RGS20: variants seen among roughly 807,000 people sequenced by gnomAD.
The protein encoded by RGS20 is gz-selective GTPase-activating protein.
RGS20 carries 30 observed loss-of-function variants against 33.6 expected under a neutral mutation model. The observed-to-expected ratio is 0.89, with a 90% CI of 0.67 to 1.21. The LOEUF is 1.21. RGS20 is among the 50% of genes most tolerant of loss of function. RGS20 has a pLI of 0.00. For synonymous variants in RGS20, 208 were observed against 197.9 expected, an observed-to-expected ratio of 1.05 and a Z score of -0.43; for missense variants, 472 against 502.4, an observed-to-expected ratio of 0.94 and a Z score of 0.58.
intron 4 of RGS20, among the ~76,000 whole-genome samples, chr8:53,952,683 GC>G (rs1268681327): frequency 1.3e-5 from 2 of 150,430 alleles, no homozygotes; most frequent in South Asian, 4.2e-4. Context: ...CCGAGATCGT[GC>G]CATTGTACTC....
intron 1 of RGS20, among the ~76,000 whole-genome samples, chr8:53,857,980 T>C (rs1305271447): frequency 6.6e-6 from 1 of 152,090 alleles, no homozygotes; most frequent in Non-Finnish European, 1.5e-5. Context: ...AAACATCACA[T>C]TGTACCCCAT....
At chr8:53,936,290 G>GA (rs1814132368) in intron 2 of RGS20, among the ~76,000 whole-genome samples, 1 of 152,134 alleles carries the variant, frequency 6.6e-6, no homozygotes, top group Admixed American at 6.5e-5. Flanking sequence ...ATCCAAATAG[G>GA]AAGAGAGAGA....
intron 2 of RGS20, among the ~76,000 whole-genome samples, chr8:53,935,342 A>C (rs1814099356): frequency 6.6e-6 from 1 of 152,184 alleles, no homozygotes; most frequent in South Asian, 2.1e-4. Context: ...GATCAACAAA[A>C]TAGCTAGACC....
rs34316630 is a variant in RGS20 at position 53,889,412 on chromosome 8, C to CTTTTTTTTTTTTTTTTTTTTTTT, written c.510+9827_510+9849dup. On this transcript the variant is annotated intron_variant, in intron 2 of 5. Coordinates refer to ENST00000297313, the MANE Select transcript of RGS20 (RefSeq NM_170587.4). ...TCTTTCTTTCTTTCTCTCTCTCTCTCTTTTTTTTTTTTTTTTTTTTTTTTT... is the reference window on the plus strand; with the variant it reads ...TCTTTCTTTCTTTCTCTCTCTCTCTCTTTTTTTTTTTTTTTTTTTTTTTTTTTTTTTTTTTTTTTTTTTTTTTT... Among the ~76,000 whole-genome samples the CTTTTTTTTTTTTTTTTTTTTTTT allele has an allele frequency of 1.2e-4, 5 of 41,862 alleles. 2 individuals carry two copies. The highest frequency in any genetic ancestry group is 3.1e-4 in the Non-Finnish European group (5 of 16,088). 27.5% of individuals were successfully genotyped at this position (41,862 alleles called of 152,430 possible). A position where few individuals can be genotyped will look rare whatever the true frequency, so the allele number is the denominator to read the frequency against.
chr8:53,853,024 T>C (rs1014136012), intron 1 of RGS20, among the ~76,000 whole-genome samples: 3 of 152,110 alleles, frequency 2.0e-5, no homozygotes, highest in Non-Finnish European at 4.4e-5. Context: ...TGTGAACAAA[T>C]AACACATGAA....
rs374776670 is a variant in RGS20, at chr8:53,890,854, C to CAGTTTTAATA, written c.510+11255_510+11264dup. ...GCTATGTTACCCAGACTGGTGGCTG[C>CAGTTTTAATA]AGTTTTAATAAGATTTAGCTAATGC... is the stretch of plus-strand genomic sequence containing the variant. On this transcript the variant is annotated intron_variant, in intron 2 of 5. Transcript: ENST00000297313. 1.0e-3 allele frequency among the ~76,000 whole-genome samples: 153 copies of CAGTTTTAATA among 152,280 alleles called. 1 individual carries two copies. Among genetic ancestry groups the CAGTTTTAATA allele is most frequent in the African/African-American group, 3.5e-3 (144 of 41,550 alleles).
chr8:53,913,957 A>G (rs1472806859), intron 2 of RGS20: 1 of 151,498 alleles, frequency 6.6e-6, no homozygotes, highest in African/African-American at 2.4e-5. Flanking sequence ...TGGCACCATG[A>G]CTTCTGGCCT....
In RGS20 at chr8:53,925,531, A is replaced by C. The variant is rs537555158; in HGVS notation, c.511-14045A>C. ...GGTGGCTCATGCCTGTAATCCCAGC[A>C]TTTTGGGAGGCCAAGGTGGGCGGAT... On this transcript the variant is annotated intron_variant, in intron 2 of 5. Transcript: ENST00000297313. 3.9e-5 allele frequency among the ~76,000 whole-genome samples: 6 copies of C among 152,204 alleles called. No individual in the cohort carries two copies. The South Asian group carries it at 1.2e-3, about 32-fold the overall frequency.
intron 2 of RGS20, among the ~76,000 whole-genome samples, chr8:53,906,380 A>G (rs1225862752): frequency 2.0e-5 from 3 of 152,114 alleles, no homozygotes; most frequent in South Asian, 4.1e-4. Context: ...CATCTCAAAA[A>G]AAGAAAAAAA....
rs549858170 is a variant in RGS20 at position 53,948,404 on chromosome 8, T to C, written c.743+1656T>C. ...TATATATGCTATATATAAGATACAG[T>C]ATATATTTACATATGCTATATATAA... On this transcript the variant is annotated intron_variant, in intron 4 of 5. Coordinates refer to ENST00000297313, the MANE Select transcript of RGS20 (RefSeq NM_170587.4). Among the ~76,000 whole-genome samples, 97 of 143,210 alleles carry C rather than the reference T, an allele frequency of 6.8e-4. 1 individual carries two copies. Among genetic ancestry groups the C allele is most frequent in the African/African-American group, 2.3e-3 (93 of 39,684 alleles). 94.0% of individuals were successfully genotyped at this position (143,210 alleles called of 152,430 possible).
intron 1 of RGS20, among the ~76,000 whole-genome samples, chr8:53,878,087 C>T (rs1812248511): frequency 1.3e-5 from 2 of 152,256 alleles, no homozygotes; most frequent in Non-Finnish European, 2.9e-5. Context: ...CACCCCAGCA[C>T]TTTATTCGCT....
rs556772699 is a variant in RGS20, at chr8:53,954,751, A to T, written c.978+441A>T. Among the ~76,000 whole-genome samples the T allele has an allele frequency of 4.1e-5, 6 of 147,498 alleles. No individual in the cohort carries two copies. The South Asian group carries it at 1.3e-3, about 33-fold the overall frequency. ...CGCCCAGGCTGGAGTGCAATGGTGC[A>T]ATCTTGGCTCACTGCAACTTCTGCC... is the stretch of plus-strand genomic sequence containing the variant. On this transcript the variant is annotated intron_variant, in intron 5 of 5. Transcript: ENST00000297313.
intron 2 of RGS20, among the ~76,000 whole-genome samples, chr8:53,931,018 T>G (rs1163163138): frequency 1.3e-5 from 2 of 152,136 alleles, no homozygotes; most frequent in African/African-American, 4.8e-5. Context: ...CTGGAGTCAC[T>G]TGAGCCTAGA....
chr8:53,909,211 A>ATG (rs1397698862), intron 2 of RGS20, among the ~76,000 whole-genome samples: 399 of 9,858 alleles, frequency 0.04, 2 homozygotes, highest in African/African-American at 0.086. Context: ...GTATGTGTGT[A>ATG]TATATATATA....
At chr8:53,956,905 T>C (rs563922067) in intron 5 of RGS20, among the ~76,000 whole-genome samples, 46 of 152,194 alleles carry the variant, frequency 3.0e-4, no homozygotes, top group African/African-American at 1.0e-3. Flanking sequence ...CCCAGCACTA[T>C]GGGAGGCCGA....
chr8:53,956,864 C>G (rs1179140017), intron 5 of RGS20, among the ~76,000 whole-genome samples: 1 of 152,034 alleles, frequency 6.6e-6, no homozygotes, highest in Admixed American at 6.6e-5. Context: ...CAACCAAAAA[C>G]AGGCCGGGCA....
chr8:53,871,618 A>G (rs952499358), intron 1 of RGS20, among the ~76,000 whole-genome samples: 2 of 141,660 alleles, frequency 1.4e-5, no homozygotes, highest in Non-Finnish European at 3.0e-5. Flanking sequence ...GTCCATCTCA[A>G]AAAAAAAATA....
Position 53,880,853 on chromosome 8 carries a change from G to T in RGS20, c.510+1251G>T. On this transcript the variant is annotated intron_variant, in intron 2 of 5. Coordinates refer to ENST00000297313, the MANE Select transcript of RGS20 (RefSeq NM_170587.4). The stretch of plus-strand genomic sequence containing the variant: ...GATTGCCCGGCCGGGTAAAAGGAGT[G>T]AGGGGGCGGGGAGGAGGCAGAGCAA... 1.4e-6 allele frequency: 2 copies of T among 1,418,026 alleles called. No homozygotes were observed. Among genetic ancestry groups the T allele is most frequent in the Non-Finnish European group, 1.8e-6 (2 of 1,084,586 alleles). The allele number at this position is 1,418,026 out of a possible 1,614,324, so 87.8% of individuals were successfully genotyped here.
intron 2 of RGS20, among the ~76,000 whole-genome samples, chr8:53,884,882 G>A (rs1015396135): frequency 1.1e-4 from 16 of 152,308 alleles, no homozygotes; most frequent in African/African-American, 2.4e-4. Flanking sequence ...GGTAAGGTAA[G>A]GTCACAGATC....
Sources: allele counts gnomAD v4.1 joint callset (sites outside exome capture counted in the v4.1 genomes callset), GRCh38; gene constraint gnomAD v4.1.1; transcripts MANE v1.5; gene names NCBI Gene and HGNC (gene_info 2026-07-23, HGNC 2026-07-21).